IFNAR2: variants seen among roughly 807,000 people sequenced by gnomAD.
The protein encoded by IFNAR2 is interferon alpha and beta receptor subunit 2, also known as interferon alpha/beta receptor 2.
A neutral mutation model predicts 49.4 loss-of-function variants in IFNAR2; 30 were observed. That is an observed-to-expected ratio of 0.61 (90% confidence interval 0.45 to 0.82). The LOEUF (loss-of-function observed/expected upper bound fraction) is 0.82. IFNAR2 is among the 40% of genes least tolerant of loss of function. IFNAR2 has a pLI of 0.00. For missense variants in IFNAR2, 600 were observed against 622.7 expected (o/e 0.96, Z 0.39); for synonymous variants, 224 against 234.5 (o/e 0.96, Z 0.41).
At position 33,248,779 on chromosome 21, in the gene IFNAR2, A is replaced by G. The variant is rs143867273; in HGVS notation, c.465A>G (p.Pro155=). Residue 155 remains proline (P), a synonymous_variant, in exon 6 of 9, where the codon CCA becomes CCG. Coordinates refer to ENST00000342136, the MANE Select transcript of IFNAR2 (RefSeq NM_001289125.3). ...TNHINVMVKF[P]SIVEEELQFD... ...ACATTAATGTGATGGTGAAATTTCCATCTATTGTTGAGGAAGAATTACAGT... is the reference window on the plus strand; with the variant it reads ...ACATTAATGTGATGGTGAAATTTCCGTCTATTGTTGAGGAAGAATTACAGT... The G allele has an allele frequency of 2.7e-4, 434 of 1,611,580 alleles. 5 individuals are homozygous for G. In the Admixed American group the frequency reaches 7.0e-3, roughly 26 times the overall value.
Position 33,263,794 on chromosome 21 carries a change from C to A in IFNAR2, c.*294C>A. 2.8e-6 allele frequency: 1 copy of A among 351,582 alleles called. No homozygotes were observed. The allele number at this position is 351,582 out of a possible 1,614,324, so 21.8% of individuals were successfully genotyped here. A position where few individuals can be genotyped will look rare whatever the true frequency, so the allele number is the denominator to read the frequency against. ...TTTCTGCATCATGTCTACCAGGGAG[C>A]AGGGTTCCCCACAGTTTCAGAGGTG... On this transcript the variant is annotated 3_prime_UTR_variant, in exon 9 of 9. Transcript: ENST00000342136.
chr21:33,262,379 A>T (rs1988654937), intron 8 of IFNAR2, among the ~76,000 whole-genome samples: 3 of 151,868 alleles, frequency 2.0e-5, no homozygotes, highest in South Asian at 4.2e-4. Flanking sequence ...AAAAAAAAAA[A>T]AAAAAATAGT....
At chr21:33,247,254 C>CTTTGTTTTTTTT (rs773079900) in intron 5 of IFNAR2, among the ~76,000 whole-genome samples, 1 of 91,574 alleles carries the variant, frequency 1.1e-5, no homozygotes, top group Non-Finnish European at 2.1e-5. Flanking sequence ...TTCTTTCTTT[C>CTTTGTTTTTTTT]TTTTTTTTTT....
At chr21:33,261,655 A>G (rs1199801749) in intron 8 of IFNAR2, among the ~76,000 whole-genome samples, 1 of 152,128 alleles carries the variant, frequency 6.6e-6, no homozygotes, top group Non-Finnish European at 1.5e-5. Context: ...CGGGTGGATC[A>G]TTTGAGCCCA....
intron 6 of IFNAR2, chr21:33,251,803 C>T (rs1009604637): frequency 1.2e-4 from 120 of 983,238 alleles, no homozygotes; most frequent in Middle Eastern, 1.0e-3. Flanking sequence ...AGGGAGATGG[C>T]TGGGCACAGT....
At position 33,264,126 on chromosome 21, in the gene IFNAR2, T is replaced by C. The variant is rs568571987; in HGVS notation, c.*626T>C. 6.6e-6 allele frequency: 1 copy of C among 152,404 alleles called. No individual in the cohort carries two copies. The highest frequency in any genetic ancestry group is 2.1e-4 in the South Asian group (1 of 4,836). 9.4% of individuals were successfully genotyped at this position (152,404 alleles called of 1,614,324 possible). ...TGCCCTCCTCAGCCTCGTAAAGTGC[T>C]GGGATTACAGGGGTGAGCCGCTGTG... is the stretch of plus-strand genomic sequence containing the variant. On this transcript the variant is annotated 3_prime_UTR_variant, in exon 9 of 9. Coordinates refer to ENST00000342136, the MANE Select transcript of IFNAR2 (RefSeq NM_001289125.3).
At position 33,264,340 on chromosome 21, in the gene IFNAR2, C is replaced by T. The variant is rs1390136213; in HGVS notation, c.*840C>T. 4 of 152,132 alleles carry T rather than the reference C, an allele frequency of 2.6e-5. No individual in the cohort carries two copies. The highest frequency in any genetic ancestry group is 7.2e-5 in the African/African-American group (3 of 41,390). 9.4% of individuals were successfully genotyped at this position (152,132 alleles called of 1,614,324 possible). On this transcript the variant is annotated 3_prime_UTR_variant, in exon 9 of 9. Transcript: ENST00000342136. ...AGCCATCGAAGTTTCAGTCGGTGAG[C>T]CTTGGGCACCTCACCCATGTCACAT...
rs1030436700 is a variant in IFNAR2 at position 33,229,995 on chromosome 21, C to T, written c.-305C>T. Reference sequence around the variant, plus strand: ...CGCACCCGCACTAAAGACGCTTCTTCCCGGCGGGTAGGAATCCCGCCGGCG... The same window carrying T: ...CGCACCCGCACTAAAGACGCTTCTTTCCGGCGGGTAGGAATCCCGCCGGCG... On this transcript the variant is annotated 5_prime_UTR_variant, in exon 1 of 9. Transcript: ENST00000342136. The T allele has an allele frequency of 7.1e-6, 7 of 984,594 alleles. No individual in the cohort carries two copies. In the African/African-American group the frequency reaches 1.1e-4, roughly 15 times the overall value. The allele number at this position is 984,594 out of a possible 1,614,324, so 61.0% of individuals were successfully genotyped here. A position where few individuals can be genotyped will look rare whatever the true frequency, so the allele number is the denominator to read the frequency against.
chr21:33,263,778 C>T lies in IFNAR2; in HGVS notation c.*278C>T, dbSNP rs1988800103. 2.6e-6 allele frequency: 1 copy of T among 388,794 alleles called. No homozygotes were observed. The highest frequency in any genetic ancestry group is 4.7e-6 in the Non-Finnish European group (1 of 213,632). 24.1% of individuals were successfully genotyped at this position (388,794 alleles called of 1,614,324 possible). A position where few individuals can be genotyped will look rare whatever the true frequency, so the allele number is the denominator to read the frequency against. On this transcript the variant is annotated 3_prime_UTR_variant, in exon 9 of 9. Coordinates refer to ENST00000342136, the MANE Select transcript of IFNAR2 (RefSeq NM_001289125.3). The stretch of plus-strand genomic sequence containing the variant: ...TAATGCACTTAGGATGTTTCTGCAT[C>T]ATGTCTACCAGGGAGCAGGGTTCCC...
At chr21:33,238,286 C>G (rs139388073) in intron 1 of IFNAR2, among the ~76,000 whole-genome samples, 42 of 152,282 alleles carry the variant, frequency 2.8e-4, no homozygotes, top group African/African-American at 1.0e-3. Flanking sequence ...TTCCTACTTT[C>G]TCTAATAAAT....
chr21:33,257,427 G>A (rs1988280712), intron 7 of IFNAR2, among the ~76,000 whole-genome samples: 1 of 152,210 alleles, frequency 6.6e-6, no homozygotes, highest in Admixed American at 6.5e-5. Context: ...ACTGCTGGCT[G>A]GAGGTGGCCA....
rs1361157163 is a variant in IFNAR2, at chr21:33,230,002, G to A, written c.-298G>A. 4.1e-6 allele frequency: 4 copies of A among 984,788 alleles called. No individual in the cohort carries two copies. The highest frequency in any genetic ancestry group is 1.8e-5 in the African/African-American group (1 of 57,132). The allele number at this position is 984,788 out of a possible 1,614,324, so 61.0% of individuals were successfully genotyped here. ...GCACTAAAGACGCTTCTTCCCGGCG[G>A]GTAGGAATCCCGCCGGCGAGCCGAA... On this transcript the variant is annotated 5_prime_UTR_variant, in exon 1 of 9. Coordinates refer to ENST00000342136, the MANE Select transcript of IFNAR2 (RefSeq NM_001289125.3). The surrounding 1 kb of genome is among the most constrained non-coding windows in gnomAD (Gnocchi z 5.5).
Position 33,244,961 on chromosome 21 carries a change from T to C in IFNAR2, c.108T>C (p.Asp36=), listed in dbSNP as rs1306309401. 1.2e-6 allele frequency: 2 copies of C among 1,613,428 alleles called. No homozygotes were observed. The highest frequency in any genetic ancestry group is 4.5e-5 in the East Asian group (2 of 44,872). Residue 36 remains aspartate (D), a synonymous_variant, in exon 4 of 9, where the codon GAT becomes GAC. Coordinates refer to ENST00000342136, the MANE Select transcript of IFNAR2 (RefSeq NM_001289125.3). ...GISYDSPDYT[D]ESCTFKISLR... is the part of the protein sequence containing the mutation. Reference sequence around the variant, plus strand: ...TCTTCTTCTCTTTAGATTACACAGATGAATCTTGCACTTTCAAGATATCAT... The same window carrying C: ...TCTTCTTCTCTTTAGATTACACAGACGAATCTTGCACTTTCAAGATATCAT...
chr21:33,249,919 T>C (rs1601806688), intron 6 of IFNAR2, among the ~76,000 whole-genome samples: 1 of 151,118 alleles, frequency 6.6e-6, no homozygotes, highest in South Asian at 2.1e-4. Context: ...GAAGAGGAGG[T>C]GAGGTCAGAG....
In IFNAR2 at chr21:33,263,032, A is replaced by G; in HGVS notation, c.1080A>G (p.Ile360Met). 1 of 1,614,174 alleles carries G rather than the reference A, an allele frequency of 6.2e-7. No homozygotes were observed. The highest frequency in any genetic ancestry group is 8.5e-7 in the Non-Finnish European group (1 of 1,180,034). The part of the protein sequence containing the change: ...ASATSTESQL[I>M]DPESEEEPDL... ...CCACCTCTACAGAATCCCAGTTGAT[A>G]GACCCGGAGTCCGAGGAGGAGCCTG... The change falls in exon 9 of 9, where the codon ATA (isoleucine) becomes ATG (methionine). Residue 360 changes from isoleucine to methionine, a missense_variant. Transcript: ENST00000342136.
At chr21:33,253,406 A>C (rs571337900) in intron 7 of IFNAR2, among the ~76,000 whole-genome samples, 1 of 152,288 alleles carries the variant, frequency 6.6e-6, no homozygotes, top group Admixed American at 6.5e-5. Flanking sequence ...CAAGCCTCGG[A>C]ACTCCCTGCT....
chr21:33,234,223 G>GTGTGTT (rs1243365293), intron 1 of IFNAR2, among the ~76,000 whole-genome samples: 9 of 151,036 alleles, frequency 6.0e-5, no homozygotes, highest in Non-Finnish European at 1.2e-4. Context: ...GTGTGTGTGT[G>GTGTGTT]TTTATGCATA....
intron 2 of IFNAR2, among the ~76,000 whole-genome samples, chr21:33,242,459 G>A (rs967204327): frequency 1.3e-5 from 2 of 152,190 alleles, no homozygotes; most frequent in Non-Finnish European, 2.9e-5. Flanking sequence ...GTGTCCGGGC[G>A]CGGTGGCTCG....
chr21:33,235,397 C>G (rs918360653), intron 1 of IFNAR2, among the ~76,000 whole-genome samples: 4 of 152,074 alleles, frequency 2.6e-5, no homozygotes, highest in South Asian at 2.1e-4. Flanking sequence ...GACAATAACT[C>G]TAGGAAAAAC....
Sources: allele counts gnomAD v4.1 joint callset (sites outside exome capture counted in the v4.1 genomes callset), GRCh38; gene constraint gnomAD v4.1.1; non-coding constraint Gnocchi (gnomAD v3.1); transcripts MANE v1.5; gene names NCBI Gene and HGNC (gene_info 2026-07-23, HGNC 2026-07-21).